The following ERCC8 variants were observed in gnomAD, a reference collection of about 807,000 sequenced individuals.
ERCC8 encodes ERCC excision repair 8, CSA ubiquitin ligase complex subunit, also known as DNA excision repair protein ERCC-8.
ERCC8 carries 52 observed loss-of-function variants against 54.9 expected under a neutral mutation model. That is an observed-to-expected ratio of 0.95 (90% CI 0.76 to 1.19). The LOEUF (loss-of-function observed/expected upper bound fraction) is 1.19, where lower values mean the gene tolerates loss of function less well. Among genes scored for constraint, ERCC8 ranks in the 50% most tolerant of loss-of-function variants. The probability of loss-of-function intolerance (pLI) is 0.00; values close to 1 mark genes in which losing one functional copy is unlikely to be tolerated. For synonymous variants in ERCC8, 146 were observed against 157.2 expected (o/e 0.93, Z 0.53); for missense variants, 514 against 466.1 (o/e 1.10, Z -0.95).
intron 9 of ERCC8, among the ~76,000 whole-genome samples, chr5:60,897,512 T>C (rs6884966): frequency 0.39 from 58,911 of 152,036 alleles, 12,402 homozygotes; most frequent in East Asian, 0.8. Context: ...GCTATTATTA[T>C]TATCACCAAA....
At chr5:60,940,761 AG>A (rs1426708415) in intron 1 of ERCC8, among the ~76,000 whole-genome samples, 5 of 152,208 alleles carry the variant, frequency 3.3e-5, no homozygotes, top group Non-Finnish European at 5.9e-5. Flanking sequence ...ACAGTCCATA[AG>A]TAGGTAGGTT....
At chr5:60,888,701 T>A (rs77768961) in intron 10 of ERCC8, among the ~76,000 whole-genome samples, 2,378 of 152,330 alleles carry the variant, frequency 0.016, 75 homozygotes, top group African/African-American at 0.054. Context: ...TCTCAAAATG[T>A]AAGTTACAAG....
chr5:60,938,083 ATATTTTAT>A lies in ERCC8; in HGVS notation c.77+6841_77+6848del, dbSNP rs1373946677. 1.7e-3 allele frequency among the ~76,000 whole-genome samples: 30 copies of A among 18,078 alleles called. 1 individual carries two copies. In the East Asian group the frequency reaches 0.027, roughly 16 times the overall value. The allele number at this position is 18,078 out of a possible 152,430, so 11.9% of individuals were successfully genotyped here. A position where few individuals can be genotyped will look rare whatever the true frequency, so the allele number is the denominator to read the frequency against. On this transcript the variant is annotated intron_variant, in intron 1 of 11. Coordinates refer to ENST00000676185, the MANE Select transcript of ERCC8 (RefSeq NM_000082.4). ...TATATATATATATATATATATATAT[ATATTTTAT>A]TTTTTTTTTTTTTAGGTTACGAAGT...
At chr5:60,932,798 G>C (rs1749947547) in intron 1 of ERCC8, among the ~76,000 whole-genome samples, 1 of 152,110 alleles carries the variant, frequency 6.6e-6, no homozygotes, top group Non-Finnish European at 1.5e-5. Context: ...AATGGCATAG[G>C]AGTAGAGGGA....
chr5:60,935,995 TTG>T (rs991816748), intron 1 of ERCC8, among the ~76,000 whole-genome samples: 3 of 152,160 alleles, frequency 2.0e-5, no homozygotes, highest in Non-Finnish European at 4.4e-5. Flanking sequence ...TGGTCTGCGG[TTG>T]TCTTTGTTCT....
In ERCC8 at chr5:60,938,040, CATACATACATAT is replaced by C. The variant is rs1171364096; in HGVS notation, c.77+6880_77+6891del. ...GTGTGTGTGTATACATACATACATA[CATACATACATAT>C]ATATATATATATATATATATATATA... is the stretch of plus-strand genomic sequence containing the variant. On this transcript the variant is annotated intron_variant, in intron 1 of 11. Transcript: ENST00000676185. Among the ~76,000 whole-genome samples the C allele has an allele frequency of 5.5e-3, 177 of 32,446 alleles. 1 individual carries two copies. The East Asian group carries it at 0.075, about 14-fold the overall frequency. The allele number at this position is 32,446 out of a possible 152,430, so 21.3% of individuals were successfully genotyped here. A position where few individuals can be genotyped will look rare whatever the true frequency, so the allele number is the denominator to read the frequency against.
intron 4 of ERCC8, among the ~76,000 whole-genome samples, chr5:60,908,960 A>G (rs762475445): frequency 3.9e-5 from 6 of 152,048 alleles, no homozygotes; most frequent in Non-Finnish European, 7.4e-5. Flanking sequence ...CTATATGTAG[A>G]CTCTAATATG....
At chr5:60,884,288 T>A (rs1748329119) in intron 11 of ERCC8, among the ~76,000 whole-genome samples, 1 of 151,166 alleles carries the variant, frequency 6.6e-6, no homozygotes, top group Non-Finnish European at 1.5e-5. Context: ...GACCATCCTG[T>A]GAATTGTGAA....
intron 2 of ERCC8, 36 bp downstream of exon 2, chr5:60,928,828 G>C: frequency 8.3e-7 from 1 of 1,204,156 alleles, no homozygotes; most frequent in Non-Finnish European, 1.2e-6. Context: ...ATTTCACTTA[G>C]AAAGAAAAAT....
intron 2 of ERCC8, among the ~76,000 whole-genome samples, chr5:60,925,572 G>C (rs1322921139): frequency 3.9e-5 from 6 of 152,110 alleles, no homozygotes; most frequent in African/African-American, 1.4e-4. Context: ...GGTTACTTTG[G>C]ACTTATCCAG....
intron 1 of ERCC8, among the ~76,000 whole-genome samples, chr5:60,939,099 T>C (rs1201566518): frequency 6.6e-6 from 1 of 152,212 alleles, no homozygotes; most frequent in Non-Finnish European, 1.5e-5. Context: ...ATATACTTGG[T>C]ATTATTCCTT....
intron 3 of ERCC8, chr5:60,919,408 C>T (rs988104325): frequency 6.6e-6 from 1 of 151,812 alleles, no homozygotes; most frequent in Non-Finnish European, 1.5e-5. Context: ...CTTCTGCAAC[C>T]CTATGCAGAT....
intron 11 of ERCC8, among the ~76,000 whole-genome samples, chr5:60,882,171 G>T (rs1748256645): frequency 6.6e-6 from 1 of 151,888 alleles, no homozygotes; most frequent in African/African-American, 2.4e-5. Flanking sequence ...AACCCCTACT[G>T]CATGTCTGAG....
At chr5:60,938,083 A>ATT (rs1561519143) in intron 1 of ERCC8, among the ~76,000 whole-genome samples, 1 of 18,082 alleles carries the variant, frequency 5.5e-5, no homozygotes, top group African/African-American at 1.9e-4. Flanking sequence ...ATATATATAT[A>ATT]TATTTTATTT....
rs1161419869 is a variant in ERCC8 at position 60,870,789 on chromosome 5, T to A, written c.*3826A>T. On this transcript the variant is annotated 3_prime_UTR_variant, in exon 12 of 12. Coordinates refer to ENST00000676185, the MANE Select transcript of ERCC8 (RefSeq NM_000082.4). ...GACAAATATTAGAAGAAAATATACC[T>A]GAGCTGAGAAAAGGTTTGGACCTTC... 1.3e-5 allele frequency among the ~76,000 whole-genome samples: 2 copies of A among 152,004 alleles called. No homozygotes were observed. The highest frequency in any genetic ancestry group is 2.4e-5 in the African/African-American group (1 of 41,400).
intron 11 of ERCC8, among the ~76,000 whole-genome samples, chr5:60,881,700 C>G (rs12516552): frequency 0.1 from 15,839 of 152,206 alleles, 1,106 homozygotes; most frequent in South Asian, 0.16. Flanking sequence ...TTTGCTAAGA[C>G]CATTGGAAAA....
chr5:60,877,131 T>C (rs1748036043), intron 11 of ERCC8, among the ~76,000 whole-genome samples: 1 of 152,222 alleles, frequency 6.6e-6, no homozygotes, highest in South Asian at 2.1e-4. Flanking sequence ...ATTTACTAAA[T>C]AGGGAATCCT....
intron 7 of ERCC8, among the ~76,000 whole-genome samples, chr5:60,902,200 T>G (rs1748922367): frequency 6.6e-6 from 1 of 152,092 alleles, no homozygotes; most frequent in Non-Finnish European, 1.5e-5. Context: ...TGTGTAAGAA[T>G]GACACAACAC....
chr5:60,877,319 C>T (rs1221278461), intron 11 of ERCC8, among the ~76,000 whole-genome samples: 1 of 152,126 alleles, frequency 6.6e-6, no homozygotes, highest in Non-Finnish European at 1.5e-5. Context: ...AGTGTGATGC[C>T]TCCAGCTTTG....
Sources: allele counts gnomAD v4.1 joint callset (sites outside exome capture counted in the v4.1 genomes callset), GRCh38; gene constraint gnomAD v4.1.1; transcripts MANE v1.5; gene names NCBI Gene and HGNC (gene_info 2026-07-23, HGNC 2026-07-21).